Variants in ZNF83 observed in about 807,000 individuals in gnomAD.
The protein encoded by ZNF83 is zinc finger protein 816B.
For synonymous variants in ZNF83, 209 were observed against 213.0 expected (o/e 0.98, Z 0.17); for missense variants, 552 against 629.9 (o/e 0.88, Z 1.32).
intron 3 of ZNF83, among the ~76,000 whole-genome samples, chr19:52,647,322 A>C (rs1568561697): frequency 1.3e-5 from 2 of 152,174 alleles, no homozygotes; most frequent in African/African-American, 4.8e-5. Context: ...AATTTAAATA[A>C]TTTATTTATT....
At chr19:52,666,731 C>T (rs1318217742) in intron 1 of ZNF83, among the ~76,000 whole-genome samples, 1 of 151,754 alleles carries the variant, frequency 6.6e-6, no homozygotes, top group Non-Finnish European at 1.5e-5. Flanking sequence ...CTGAAAATTC[C>T]ATTAACCCAG....
At chr19:52,651,229 A>G (rs1600229306) in intron 3 of ZNF83, 1 of 152,370 alleles carries the variant, frequency 6.6e-6, no homozygotes, top group African/African-American at 2.4e-5. Context: ...GTTTACAGAA[A>G]TAGACCTGAA....
chr19:52,623,643 G>C (rs2060628730), intron 2 of ZNF83, among the ~76,000 whole-genome samples: 1 of 151,748 alleles, frequency 6.6e-6, no homozygotes, highest in Non-Finnish European at 1.5e-5. Flanking sequence ...TAACCCACAG[G>C]TATGGGACAC....
chr19:52,614,563 A>G (rs769842827), exon 3 of ZNF83: 13 of 1,581,780 alleles, frequency 8.2e-6, no homozygotes, highest in South Asian at 1.2e-5. Flanking sequence ...TCTCCCATGC[A>G]TGTCTCTTCT....
intron 1 of ZNF83, among the ~76,000 whole-genome samples, chr19:52,686,168 T>C (rs2062011819): frequency 2.0e-5 from 3 of 152,118 alleles, no homozygotes; most frequent in African/African-American, 7.2e-5. Context: ...CAAACTTCTG[T>C]ATGAGGTACC....
At chr19:52,626,403 G>A (rs1013146325) in intron 2 of ZNF83, among the ~76,000 whole-genome samples, 5 of 152,130 alleles carry the variant, frequency 3.3e-5, no homozygotes, top group East Asian at 1.9e-4. Flanking sequence ...TTGTTTTTAC[G>A]TAAATCAGTC....
At position 52,614,697 on chromosome 19, in the gene ZNF83, G is replaced by A. The variant is rs764643520; in HGVS notation, c.-133C>T. 67 of 1,350,728 alleles carry A rather than the reference G, an allele frequency of 5.0e-5. No individual in the cohort carries two copies. The Middle Eastern group carries it at 1.1e-3, about 22-fold the overall frequency. The allele number at this position is 1,350,728 out of a possible 1,614,324, so 83.7% of individuals were successfully genotyped here. A position where few individuals can be genotyped will look rare whatever the true frequency, so the allele number is the denominator to read the frequency against. On this transcript the variant is annotated 5_prime_UTR_variant, in exon 3 of 3. It adds an upstream start codon to the 5' untranslated region. Transcript: ENST00000301096. ...CTCTGAAGCAAAAATCTTGTATGTC[G>A]TGGCTTTCATGTCTTTCCAACATTA...
chr19:52,684,399 A>T (rs2147364710), intron 1 of ZNF83, among the ~76,000 whole-genome samples: 1 of 152,006 alleles, frequency 6.6e-6, no homozygotes, highest in South Asian at 2.1e-4. Flanking sequence ...AAATACAAAA[A>T]TTAACCAGGT....
At position 52,618,578 on chromosome 19, in the gene ZNF83, G is replaced by A. The variant is rs1288225259; in HGVS notation, c.-233-3781C>T. On this transcript the variant is annotated intron_variant, in intron 2 of 2. Coordinates refer to ENST00000301096, the Ensembl canonical transcript of ZNF83. ...CGCCTGGCCAATTTTTGTATTTTTA[G>A]TAGAGATGACGTTTCGCCATGTTGG... 1.3e-5 allele frequency: 3 copies of A among 235,704 alleles called. No homozygotes were observed. In the Admixed American group the frequency reaches 1.6e-4, roughly 12 times the overall value. The allele number at this position is 235,704 out of a possible 1,614,324, so 14.6% of individuals were successfully genotyped here.
chr19:52,668,088 C>T (rs1258914432), intron 1 of ZNF83, among the ~76,000 whole-genome samples: 2 of 152,170 alleles, frequency 1.3e-5, no homozygotes, highest in Non-Finnish European at 2.9e-5. Flanking sequence ...GGTTTATCCT[C>T]CACCTTCTCT....
At chr19:52,689,510 C>A (rs1411110163) in intron 1 of ZNF83, among the ~76,000 whole-genome samples, 1 of 152,144 alleles carries the variant, frequency 6.6e-6, no homozygotes, top group African/African-American at 2.4e-5. Flanking sequence ...ATCCCTCCTC[C>A]TCTCCCTCAC....
intron 1 of ZNF83, among the ~76,000 whole-genome samples, chr19:52,685,136 C>G (rs1168306578): frequency 2.0e-5 from 3 of 152,192 alleles, no homozygotes; most frequent in Non-Finnish European, 4.4e-5. Flanking sequence ...TCCCCTCTCC[C>G]AGAAGAAAAG....
rs1400737836 is a variant in ZNF83, at chr19:52,646,097, G to GC, written c.-74+9463dup. 3.3e-5 allele frequency among the ~76,000 whole-genome samples: 5 copies of GC among 151,906 alleles called. No individual in the cohort carries two copies. In the East Asian group the frequency reaches 9.8e-4, roughly 30 times the overall value. On this transcript the variant is annotated intron_variant, in intron 3 of 5. Coordinates refer to the ZNF83 transcript ENST00000594682. ...TGTGACTACAGGTGCATGCCACCAC[G>GC]CCCAGCTAATTTTTGTATTTTTAGT...
rs566863161 is a variant in ZNF83, at chr19:52,670,816, ACAGGTAAATTT to A, written c.-282-9984_-282-9974del. ...AACTCAAAGTGGGAGCTTCCAGGCT[ACAGGTAAATTT>A]AAACATTTTCTGATTAGAATTGGTT... On this transcript the variant is annotated intron_variant, in intron 1 of 5. Transcript: ENST00000594682. 1.7e-4 allele frequency among the ~76,000 whole-genome samples: 26 copies of A among 152,320 alleles called. No homozygotes were observed. The East Asian group carries it at 4.6e-3, about 27-fold the overall frequency.
chr19:52,621,381 G>C (rs2060537251), intron 2 of ZNF83, among the ~76,000 whole-genome samples: 1 of 152,172 alleles, frequency 6.6e-6, no homozygotes, highest in African/African-American at 2.4e-5. Flanking sequence ...TAGAGACAGA[G>C]GAGACATGTT....
chr19:52,614,052 A>G (rs777154697), exon 3 of ZNF83: 3 of 1,613,146 alleles, frequency 1.9e-6, no homozygotes, highest in Non-Finnish European at 2.5e-6. Context: ...TCTCTCCAGT[A>G]TGAATCCTGC....
At chr19:52,639,423 T>TCTTTTTC (rs1568556788), upstream of ZNF83, among the ~76,000 whole-genome samples, 5 of 96,524 alleles carry the variant, frequency 5.2e-5, no homozygotes, top group South Asian at 2.8e-4. Flanking sequence ...CTATTTTTTT[T>TCTTTTTC]TTTTTTTTTT....
chr19:52,688,090 A>T (rs1215986540), intron 1 of ZNF83, among the ~76,000 whole-genome samples: 3 of 152,116 alleles, frequency 2.0e-5, no homozygotes, highest in African/African-American at 7.2e-5. Flanking sequence ...TTAAATTATT[A>T]GATTATATAC....
chr19:52,653,415 A>G (rs1386141016), intron 3 of ZNF83: 3 of 857,674 alleles, frequency 3.5e-6, no homozygotes, highest in Admixed American at 1.8e-5. Context: ...TCTCTTCAGT[A>G]TGAACTCTGT....
Sources: gnomAD v4.1 joint callset for allele counts (sites outside exome capture counted in the v4.1 genomes callset) on GRCh38, gnomAD v4.1.1 for gene constraint, MANE v1.5 for transcripts, NCBI Gene and HGNC (gene_info 2026-07-23, HGNC 2026-07-21) for gene names.